The following DNAAF5 variants were observed in gnomAD, a reference collection of about 807,000 sequenced individuals.
DNAAF5 encodes HEAT repeat containing 2.
DNAAF5 carries 64 observed loss-of-function variants against 75.8 expected under a neutral mutation model. That is an observed-to-expected ratio of 0.84 (90% CI 0.69 to 1.04). The LOEUF (loss-of-function observed/expected upper bound fraction) is 1.04, where lower values mean the gene tolerates loss of function less well. Among genes scored for constraint, DNAAF5 ranks in the 50% least tolerant of loss-of-function variants. DNAAF5 has a pLI of 0.00. For synonymous variants in DNAAF5, 657 were observed against 557.2 expected (o/e 1.18, Z -2.52); for missense variants, 1,269 against 1,178.5 (o/e 1.08, Z -1.12).
Position 756,865 on chromosome 7 carries a change from G to A in DNAAF5, c.1341G>A (p.Thr447=), listed in dbSNP as rs200587511. The change falls in exon 6 of 13, where the codon ACG becomes ACA. Residue 447 remains threonine, a synonymous_variant. Transcript: ENST00000297440. ...TGATCTTATCGACGCTGAAGAAGAC[G>A]CCCTCTGCCTCCGGCCTCCTGGTGC... ...LKLILSTLKK[T]PSASGLLVLA... is the part of the protein sequence containing the mutation. 1.5e-5 allele frequency: 25 copies of A among 1,613,754 alleles called. No homozygotes were observed. The highest frequency in any genetic ancestry group is 1.2e-4 in the Admixed American group (7 of 60,016).
chr7:770,336 G>A (rs1778511732), intron 8 of DNAAF5, 135 bp from the exon 9 acceptor site: 6 of 706,458 alleles, frequency 8.5e-6, no homozygotes, highest in South Asian at 4.1e-5. Context: ...TACTGATTGA[G>A]AAAGAGGAAG....
At chr7:749,185 C>G (rs1024025628) in intron 4 of DNAAF5, among the ~76,000 whole-genome samples, 4 of 152,196 alleles carry the variant, frequency 2.6e-5, no homozygotes, top group Non-Finnish European at 5.9e-5. Flanking sequence ...ACAGAGTGCC[C>G]TTCTCACACG....
chr7:727,587 T>G, intron 1 of DNAAF5: 10 of 180,202 alleles, frequency 5.5e-5, no homozygotes, highest in South Asian at 2.1e-4. Flanking sequence ...TACCCCCATG[T>G]ACCTGTTTCC....
Position 775,135 on chromosome 7 carries a change from C to G in DNAAF5, c.2212C>G (p.Pro738Ala), listed in dbSNP as rs878944207. ...FLKTSGGMTDPEKLIRIYPEL... is the reference protein window; with the variant it reads ...FLKTSGGMTDAEKLIRIYPEL... ...AAAAACCTCGGGCGGCATGACGGAT[C>G]CAGAGAAACTCATCAGGATTTATCC... The change falls in exon 11 of 13, where the codon CCA becomes GCA. Residue 738 changes from proline to alanine, a missense_variant. Pro to Ala is a conservative substitution (Grantham distance 27). Coordinates refer to ENST00000297440, the MANE Select transcript of DNAAF5 (RefSeq NM_017802.4). The G allele has an allele frequency of 1.9e-6, 3 of 1,614,116 alleles. No individual in the cohort carries two copies. The highest frequency in any genetic ancestry group is 1.1e-5 in the South Asian group (1 of 91,080).
chr7:746,149 T>G (rs979681901), intron 4 of DNAAF5, among the ~76,000 whole-genome samples: 1 of 152,192 alleles, frequency 6.6e-6, no homozygotes, highest in South Asian at 2.1e-4. Flanking sequence ...ATCAGAAGAT[T>G]TTTTGAGTCT....
At chr7:738,845 G>T (rs1458086707) in intron 2 of DNAAF5, among the ~76,000 whole-genome samples, 1 of 152,220 alleles carries the variant, frequency 6.6e-6, no homozygotes, top group African/African-American at 2.4e-5. Flanking sequence ...CTATCTGTGG[G>T]TTCCGACAGA....
Position 727,067 on chromosome 7 carries a change from G to T in DNAAF5, c.347G>T (p.Arg116Leu), listed in dbSNP as rs1321440198. 9.5e-7 allele frequency: 1 copy of T among 1,056,156 alleles called. No homozygotes were observed. Among genetic ancestry groups the T allele is most frequent in the Non-Finnish European group, 1.1e-6 (1 of 878,214 alleles). The allele number at this position is 1,056,156 out of a possible 1,614,324, so 65.4% of individuals were successfully genotyped here. ...RAARPRDALPRLLPALAARLA... is the reference protein window; with the variant it reads ...RAARPRDALPLLLPALAARLA... ...GCGCGGCCCCGCGATGCCCTGCCGC[G>T]CCTGCTGCCCGCGCTCGCCGCGCGC... Residue 116 changes from arginine (R) to leucine (L), a missense_variant, in exon 1 of 13, where the codon CGC becomes CTC. Coordinates refer to ENST00000297440, the MANE Select transcript of DNAAF5 (RefSeq NM_017802.4).
In DNAAF5 at chr7:745,649, G is replaced by A. The variant is rs147855149; in HGVS notation, c.1024+4184G>A. Among the ~76,000 whole-genome samples, 372 of 151,860 alleles carry A rather than the reference G, an allele frequency of 2.4e-3. 4 individuals are homozygous for A. Among genetic ancestry groups the A allele is most frequent in the African/African-American group, 8.3e-3 (343 of 41,416 alleles). ...CGTGTACATGTATATCCTCACACACGTACACACTTATCCTCACACACGTGT... is the reference window on the plus strand; with the variant it reads ...CGTGTACATGTATATCCTCACACACATACACACTTATCCTCACACACGTGT... On this transcript the variant is annotated intron_variant, in intron 4 of 12. Coordinates refer to ENST00000297440, the MANE Select transcript of DNAAF5 (RefSeq NM_017802.4).
chr7:736,220 C>T (rs1172976616), intron 2 of DNAAF5, among the ~76,000 whole-genome samples: 2 of 152,176 alleles, frequency 1.3e-5, no homozygotes, highest in African/African-American at 4.8e-5. Flanking sequence ...CCTATGAGGT[C>T]CATTAGATCT....
In DNAAF5 at chr7:764,002, G is replaced by A. The variant is rs564066503; in HGVS notation, c.1783+28G>A. On this transcript the variant is annotated intron_variant, in intron 8 of 12. Transcript: ENST00000297440. ...GAGCCGTCCCGACAGCTGGCGTGCC[G>A]TGCCTGGCCCCACTCAGGCTACACA... 1.9e-5 allele frequency: 30 copies of A among 1,597,986 alleles called. No individual in the cohort carries two copies. In the East Asian group the frequency reaches 2.2e-4, roughly 12 times the overall value.
chr7:778,287 T>C (rs543163956), intron 11 of DNAAF5: 1 of 152,244 alleles, frequency 6.6e-6, no homozygotes, highest in East Asian at 1.9e-4. Context: ...CACGGCCCCC[T>C]GTTTATTTTC....
At position 763,877 on chromosome 7, in the gene DNAAF5, C is replaced by T; in HGVS notation, c.1686C>T (p.His562=). 6.2e-7 allele frequency: 1 copy of T among 1,613,360 alleles called. No homozygotes were observed. Among genetic ancestry groups the T allele is most frequent in the Non-Finnish European group, 8.5e-7 (1 of 1,180,044 alleles). The change falls in exon 8 of 13, where the codon CAC becomes CAT. Residue 562 remains histidine, a synonymous_variant. Coordinates refer to ENST00000297440, the MANE Select transcript of DNAAF5 (RefSeq NM_017802.4). ...VSSCQDLYRK[H]IGPLLERVTA... is the part of the protein sequence containing the mutation. ...GCTGCCAGGACCTCTACCGCAAGCA[C>T]ATTGGTCCCCTCCTGGAGCGGGTGA...
chr7:734,466 A>G (rs1781673273), intron 2 of DNAAF5, among the ~76,000 whole-genome samples: 1 of 152,214 alleles, frequency 6.6e-6, no homozygotes, highest in Admixed American at 6.5e-5. Context: ...ATGACAAATG[A>G]TCTTTCTCAT....
chr7:764,552 C>T (rs531361255), intron 8 of DNAAF5, among the ~76,000 whole-genome samples: 285 of 152,340 alleles, frequency 1.9e-3, no homozygotes, highest in African/African-American at 6.6e-3. Flanking sequence ...GTAGCTCTTC[C>T]TCGTTTGCCT....
At position 727,236 on chromosome 7, in the gene DNAAF5, C is replaced by G. The variant is rs1338399884; in HGVS notation, c.516C>G (p.Arg172=). 2.4e-5 allele frequency: 33 copies of G among 1,358,500 alleles called. No individual in the cohort carries two copies. The highest frequency in any genetic ancestry group is 3.4e-5 in the Admixed American group (1 of 29,530). The allele number at this position is 1,358,500 out of a possible 1,614,324, so 84.2% of individuals were successfully genotyped here. ...PHLDDALRAL[R]CSLLDPFAAV... The stretch of plus-strand genomic sequence containing the variant: ...TGGACGACGCTCTGCGCGCGCTGCG[C>G]TGCTCCCTGCTCGACCCCTTCGCCG... Residue 172 remains arginine, a synonymous_variant, in exon 1 of 13, where the codon CGC becomes CGG. Coordinates refer to ENST00000297440, the MANE Select transcript of DNAAF5 (RefSeq NM_017802.4).
At position 727,161 on chromosome 7, in the gene DNAAF5, G is replaced by A; in HGVS notation, c.441G>A (p.Gln147=). ...AGGAGCTGCGCCTGGCGCTTGTGCA[G>A]CTGCTGGGCCTGGCCGTGGACCTGT... The part of the protein sequence containing the change: ...ACEELRLALV[Q]LLGLAVDLCG... The change falls in exon 1 of 13, where the codon CAG becomes CAA. Residue 147 remains glutamine (Q), a synonymous_variant. Coordinates refer to ENST00000297440, the MANE Select transcript of DNAAF5 (RefSeq NM_017802.4). The A allele has an allele frequency of 7.7e-7, 1 of 1,295,882 alleles. No individual in the cohort carries two copies. Among genetic ancestry groups the A allele is most frequent in the Non-Finnish European group, 9.8e-7 (1 of 1,017,980 alleles). 80.3% of individuals were successfully genotyped at this position (1,295,882 alleles called of 1,614,324 possible). A position where few individuals can be genotyped will look rare whatever the true frequency, so the allele number is the denominator to read the frequency against.
chr7:781,500 C>G (rs1778939693), intron 12 of DNAAF5, among the ~76,000 whole-genome samples: 2 of 152,234 alleles, frequency 1.3e-5, no homozygotes, highest in African/African-American at 4.8e-5. Flanking sequence ...AGCTCTCCCC[C>G]ATAGCTGAAT....
At chr7:767,860 C>T (rs1022787651) in intron 8 of DNAAF5, among the ~76,000 whole-genome samples, 1 of 147,658 alleles carries the variant, frequency 6.8e-6, no homozygotes, top group Admixed American at 6.7e-5. Context: ...CAGGAGCTCA[C>T]GCTGGGAGGG....
intron 11 of DNAAF5, chr7:778,259 G>C (rs868364318): frequency 1.3e-5 from 2 of 152,148 alleles, no homozygotes; most frequent in East Asian, 1.9e-4. Flanking sequence ...GCATCTGAGC[G>C]CATTTGGGCA....
Sources: gnomAD v4.1 joint callset for allele counts (sites outside exome capture counted in the v4.1 genomes callset) on GRCh38, gnomAD v4.1.1 for gene constraint, MANE v1.5 for transcripts, NCBI Gene and HGNC (gene_info 2026-07-23, HGNC 2026-07-21) for gene names.